FARP1: variants seen among roughly 807,000 people sequenced by gnomAD.
FARP1 encodes FERM, ARHGEF and pleckstrin domain-containing protein 1.
Under a neutral mutation model 128.8 loss-of-function variants are expected in FARP1, and 52 were observed. The ratio of observed to expected loss-of-function variants is 0.40; its 90% CI spans 0.32 to 0.51. The LOEUF is 0.51. FARP1 is among the 20% of genes least tolerant of loss of function. The probability of loss-of-function intolerance (pLI) is 0.45; values close to 1 mark genes in which losing one functional copy is unlikely to be tolerated. For synonymous variants in FARP1, 580 were observed against 551.8 expected, an observed-to-expected ratio of 1.05 and a Z score of -0.72; for missense variants, 1,333 against 1,367.9, an observed-to-expected ratio of 0.97 and a Z score of 0.40.
chr13:98,143,762 G>T (rs1249199956), intron 1 of FARP1, among the ~76,000 whole-genome samples: 1 of 151,516 alleles, frequency 6.6e-6, no homozygotes, highest in Non-Finnish European at 1.5e-5. Context: ...CGCCGACGTC[G>T]GGCTGCGGGG....
Position 98,176,701 on chromosome 13 carries a change from G to A in FARP1, c.-24+33209G>A. Reference sequence around the variant, plus strand: ...CACAGTGGCGCGCAGATGCCCTGGCGCACGTATGGGGCCCTTCCTCGCCAT... The same window carrying A: ...CACAGTGGCGCGCAGATGCCCTGGCACACGTATGGGGCCCTTCCTCGCCAT... On this transcript the variant is annotated intron_variant, in intron 1 of 26. Transcript: ENST00000319562. This position sits in a 1 kb window ranked among gnomAD's most constrained non-coding sequence, Gnocchi z 6.2. 1 of 1,614,166 alleles carries A rather than the reference G, an allele frequency of 6.2e-7. No individual in the cohort carries two copies. The highest frequency in any genetic ancestry group is 8.5e-7 in the Non-Finnish European group (1 of 1,180,022).
At chr13:98,276,636 A>G (rs1178852742) in intron 2 of FARP1, among the ~76,000 whole-genome samples, 1 of 152,252 alleles carries the variant, frequency 6.6e-6, no homozygotes, top group Non-Finnish European at 1.5e-5. Context: ...CAAAAGAACC[A>G]AAGTAAGTCA....
chr13:98,294,327 A>C (rs1176061905), intron 2 of FARP1, among the ~76,000 whole-genome samples: 1 of 152,170 alleles, frequency 6.6e-6, no homozygotes, highest in Admixed American at 6.5e-5. Context: ...TCAACCATTG[A>C]TAAGATAAGG....
chr13:98,421,855 TA>T lies in FARP1; in HGVS notation c.1827-2705del, dbSNP rs550031768. Among the ~76,000 whole-genome samples, 988 of 149,054 alleles carry T rather than the reference TA, an allele frequency of 6.6e-3. 13 individuals are homozygous for T. The highest frequency in any genetic ancestry group is 0.037 in the South Asian group (175 of 4,716). ...GTGACAAAGCAAGACCCCATATCTT[TA>T]AAAAAAAAAAATTTTTTTTAAGAAA... On this transcript the variant is annotated intron_variant, in intron 16 of 26. Transcript: ENST00000319562.
At chr13:98,261,581 A>G (rs937476593) in intron 2 of FARP1, among the ~76,000 whole-genome samples, 4 of 150,840 alleles carry the variant, frequency 2.7e-5, no homozygotes, top group Admixed American at 6.6e-5. Context: ...AAGGGTGGAT[A>G]AATTATGTGT....
At chr13:98,365,913 G>C (rs190554844) in intron 4 of FARP1, among the ~76,000 whole-genome samples, 1 of 151,666 alleles carries the variant, frequency 6.6e-6, no homozygotes, top group African/African-American at 2.4e-5. Context: ...GTGTGTGTGT[G>C]TGTGTTTCTG....
chr13:98,215,290 CTCTAA>C (rs1880991738), intron 2 of FARP1, among the ~76,000 whole-genome samples: 1 of 152,194 alleles, frequency 6.6e-6, no homozygotes, highest in Admixed American at 6.5e-5. Flanking sequence ...TTCTCATGCT[CTCTAA>C]TAAACTCCTG....
intron 1 of FARP1, among the ~76,000 whole-genome samples, chr13:98,175,382 T>A (rs149265686): frequency 4.1e-4 from 62 of 152,278 alleles, no homozygotes; most frequent in Non-Finnish European, 8.1e-4. Context: ...GATATTCTTC[T>A]GTCAACTCCT....
At chr13:98,410,211 C>T (rs977538916) in intron 14 of FARP1, among the ~76,000 whole-genome samples, 19 of 152,234 alleles carry the variant, frequency 1.2e-4, no homozygotes, top group Admixed American at 6.5e-4. Flanking sequence ...TGGCCGGCCT[C>T]CTCCACGGTG....
In FARP1 at chr13:98,395,357, G is replaced by A; in HGVS notation, c.1295G>A (p.Arg432Lys). Reference protein sequence around the residue: ...PGSHPSPAPRRSPAGNKQADG... With the variant: ...PGSHPSPAPRKSPAGNKQADG... ...TCGCACCCGAGCCCTGCGCCGAGGA[G>A]AAGCCCCGCGGGTAACAAGCAGGCG... The change falls in exon 13 of 27, where the codon AGA becomes AAA. Residue 432 changes from arginine to lysine, a missense_variant. Coordinates refer to ENST00000319562, the MANE Select transcript of FARP1 (RefSeq NM_005766.4). The A allele has an allele frequency of 6.2e-7, 1 of 1,611,870 alleles. No homozygotes were observed. The highest frequency in any genetic ancestry group is 8.5e-7 in the Non-Finnish European group (1 of 1,179,116).
intron 4 of FARP1, 56 bp from the exon 5 acceptor site, chr13:98,368,061 T>C (rs1169577691): frequency 1.5e-6 from 2 of 1,359,616 alleles, no homozygotes; most frequent in Non-Finnish European, 2.1e-6. Flanking sequence ...TTTTCTTTAA[T>C]GGCATTTGAA....
chr13:98,151,723 A>G (rs1178652380), intron 1 of FARP1, among the ~76,000 whole-genome samples: 2 of 122,798 alleles, frequency 1.6e-5, no homozygotes, highest in Non-Finnish European at 3.2e-5. Context: ...GTGCAGTGGC[A>G]TGATCTTGGT....
intron 2 of FARP1, among the ~76,000 whole-genome samples, chr13:98,268,529 G>A (rs537012885): frequency 1.6e-4 from 25 of 152,162 alleles, no homozygotes; most frequent in Admixed American, 1.4e-3. Context: ...GTGCAGTGGC[G>A]CGATCTCAGC....
rs1309023836 is a variant in FARP1 at position 98,179,123 on chromosome 13, A to C, written c.-23-34097A>C. On this transcript the variant is annotated intron_variant, in intron 1 of 26. Transcript: ENST00000319562. ...TGAGACTGGGTAATTTACAAAAGAAAAAGGCTTAATGGACTTACATTTCCA... is the reference window on the plus strand; with the variant it reads ...TGAGACTGGGTAATTTACAAAAGAACAAGGCTTAATGGACTTACATTTCCA... 2.6e-5 allele frequency among the ~76,000 whole-genome samples: 4 copies of C among 152,336 alleles called. No individual in the cohort carries two copies. In the East Asian group the frequency reaches 7.7e-4, roughly 29 times the overall value.
chr13:98,206,964 C>G (rs1300797996), intron 1 of FARP1, among the ~76,000 whole-genome samples: 1 of 152,152 alleles, frequency 6.6e-6, no homozygotes, highest in African/African-American at 2.4e-5. Context: ...AATATTTATA[C>G]ACTAGAGGCC....
intron 1 of FARP1, among the ~76,000 whole-genome samples, chr13:98,178,225 T>A (rs1469864292): frequency 7.1e-6 from 1 of 139,936 alleles, no homozygotes; most frequent in Non-Finnish European, 1.5e-5. Flanking sequence ...AGAAAGAGTC[T>A]CGCTCTGTCG....
chr13:98,417,643 A>AGG (rs1360267936), intron 16 of FARP1, among the ~76,000 whole-genome samples: 6 of 151,996 alleles, frequency 3.9e-5, no homozygotes, highest in Admixed American at 2.6e-4. Context: ...GGGTGTCCTG[A>AGG]GGGATTGGAG....
chr13:98,177,152 C>A (rs1327860170), intron 1 of FARP1: 1 of 1,607,410 alleles, frequency 6.2e-7, no homozygotes. Flanking sequence ...CCTGCAGCCC[C>A]TTTCCGTCCA....
chr13:98,454,539 T>C lies in FARP1; in HGVS notation c.*6222T>C, dbSNP rs1232332086. On this transcript the variant is annotated 3_prime_UTR_variant, in exon 27 of 27. Transcript: ENST00000319562. ...AGCCACGGAGCCTAAGACTCAACTATCAAGAAATACAAATGACTAAATCAC... is the reference window on the plus strand; with the variant it reads ...AGCCACGGAGCCTAAGACTCAACTACCAAGAAATACAAATGACTAAATCAC... 6.6e-6 allele frequency: 1 copy of C among 152,150 alleles called. No homozygotes were observed. The highest frequency in any genetic ancestry group is 1.9e-4 in the East Asian group (1 of 5,198). 9.4% of individuals were successfully genotyped at this position (152,150 alleles called of 1,614,324 possible).
Sources: gnomAD v4.1 joint callset for allele counts (sites outside exome capture counted in the v4.1 genomes callset) on GRCh38, gnomAD v4.1.1 for gene constraint, Gnocchi (gnomAD v3.1) non-coding constraint, MANE v1.5 for transcripts, NCBI Gene and HGNC (gene_info 2026-07-23, HGNC 2026-07-21) for gene names.